Variants in NOL4 observed in about 807,000 individuals in gnomAD.
NOL4 encodes the protein nucleolar protein 4.
In NOL4, 17 loss-of-function variants were observed where a neutral mutation model predicts 75.9. The ratio of observed to expected loss-of-function variants is 0.22; its 90% confidence interval spans 0.15 to 0.34. The LOEUF (loss-of-function observed/expected upper bound fraction) is 0.34, where lower values mean the gene tolerates loss of function less well. Ranked by LOEUF, NOL4 falls within the 10% of genes least tolerant of loss-of-function variation. NOL4 has a pLI of 1.00. For missense variants in NOL4, 614 were observed against 793.5 expected, an observed-to-expected ratio of 0.77 and a Z score of 2.72; for synonymous variants, 292 against 289.9, an observed-to-expected ratio of 1.01 and a Z score of -0.07.
chr18:34,102,476 C>T (rs2079083245), intron 4 of NOL4, among the ~76,000 whole-genome samples: 1 of 151,954 alleles, frequency 6.6e-6, no homozygotes, highest in Non-Finnish European at 1.5e-5. Flanking sequence ...AATAATCTAA[C>T]TAGTCATTTA....
chr18:34,065,966 A>C (rs1200843909), intron 5 of NOL4, among the ~76,000 whole-genome samples: 1 of 151,956 alleles, frequency 6.6e-6, no homozygotes, highest in African/African-American at 2.4e-5. Context: ...TAGTTATTAT[A>C]CTTTGAGAGG....
intron 6 of NOL4, among the ~76,000 whole-genome samples, chr18:33,964,983 C>A (rs2070460458): frequency 6.6e-6 from 1 of 151,800 alleles, no homozygotes; most frequent in Non-Finnish European, 1.5e-5. Context: ...TTCAAAGAAA[C>A]CCAAAGCAAG....
At chr18:33,924,439 C>A (rs558756942) in intron 9 of NOL4, among the ~76,000 whole-genome samples, 1 of 152,234 alleles carries the variant, frequency 6.6e-6, no homozygotes, top group Admixed American at 6.5e-5. Context: ...CAGTGAGTAC[C>A]TCTCTATTGG....
intron 1 of NOL4, among the ~76,000 whole-genome samples, chr18:34,161,957 T>G (rs1244016520): frequency 2.0e-5 from 3 of 152,132 alleles, no homozygotes; most frequent in Non-Finnish European, 2.9e-5. Flanking sequence ...TAATATTTAT[T>G]TAATTTTTAA....
intron 6 of NOL4, among the ~76,000 whole-genome samples, chr18:34,005,541 T>C (rs1380073545): frequency 1.3e-5 from 2 of 152,042 alleles, no homozygotes; most frequent in Non-Finnish European, 2.9e-5. Flanking sequence ...TTAATGGTCC[T>C]CTAGCACTTG....
At chr18:34,194,454 A>AGGAAGGAAGGAT (rs2035169503) in intron 1 of NOL4, among the ~76,000 whole-genome samples, 1 of 146,614 alleles carries the variant, frequency 6.8e-6, no homozygotes. Context: ...GAAGGAAGGA[A>AGGAAGGAAGGAT]GGAAGGCAGG....
At chr18:34,147,627 A>G (rs190070359) in intron 1 of NOL4, among the ~76,000 whole-genome samples, 1 of 152,162 alleles carries the variant, frequency 6.6e-6, no homozygotes, top group East Asian at 1.9e-4. Flanking sequence ...CCAGTATTTT[A>G]TTGAGGATTT....
intron 9 of NOL4, among the ~76,000 whole-genome samples, chr18:33,890,378 CACAA>C (rs1342034855): frequency 5.3e-5 from 8 of 151,972 alleles, no homozygotes; most frequent in Non-Finnish European, 1.0e-4. Flanking sequence ...TAAAAGAGGA[CACAA>C]ACAAATGGAA....
At chr18:34,147,633 G>A (rs1227969905) in intron 1 of NOL4, among the ~76,000 whole-genome samples, 1 of 152,072 alleles carries the variant, frequency 6.6e-6, no homozygotes, top group Non-Finnish European at 1.5e-5. Flanking sequence ...TTTTATTGAG[G>A]ATTTTGGCAT....
At chr18:33,968,483 G>A (rs2070783138) in intron 6 of NOL4, among the ~76,000 whole-genome samples, 1 of 152,158 alleles carries the variant, frequency 6.6e-6, no homozygotes, top group African/African-American at 2.4e-5. Context: ...CAACATGGAT[G>A]CAGCTGTAGG....
chr18:33,887,986 A>G (rs530425822), intron 9 of NOL4, among the ~76,000 whole-genome samples: 3 of 152,302 alleles, frequency 2.0e-5, no homozygotes, highest in South Asian at 4.1e-4. Flanking sequence ...ATCCCTGAGG[A>G]ATCGCCACAC....
At position 33,919,200 on chromosome 18, in the gene NOL4, C is replaced by A. The variant is rs148524189; in HGVS notation, c.1542+23865G>T. Among the ~76,000 whole-genome samples the A allele has an allele frequency of 1.1e-4, 17 of 152,166 alleles. No individual in the cohort carries two copies. In the East Asian group the frequency reaches 3.3e-3, roughly 29 times the overall value. On this transcript the variant is annotated intron_variant, in intron 9 of 10. Coordinates refer to ENST00000261592, the MANE Select transcript of NOL4 (RefSeq NM_003787.5). Reference sequence around the variant, plus strand: ...TTGGACCCTGTTGCCATTGCTATAGCACAGCTCCCGGCACTCTTAAGTTGA... The same window carrying A: ...TTGGACCCTGTTGCCATTGCTATAGAACAGCTCCCGGCACTCTTAAGTTGA...
intron 1 of NOL4, among the ~76,000 whole-genome samples, chr18:34,176,068 A>T (rs2033519412): frequency 6.6e-6 from 1 of 152,124 alleles, no homozygotes; most frequent in South Asian, 2.1e-4. Context: ...ATGTTCAAAG[A>T]GCTAAAGAAG....
At chr18:34,149,659 G>A (rs1342111820) in intron 1 of NOL4, among the ~76,000 whole-genome samples, 1 of 151,604 alleles carries the variant, frequency 6.6e-6, no homozygotes, top group African/African-American at 2.4e-5. Context: ...GCATGATGAA[G>A]CCATAATTTG....
At chr18:33,946,244 C>T (rs1323923641) in intron 8 of NOL4, among the ~76,000 whole-genome samples, 1 of 151,356 alleles carries the variant, frequency 6.6e-6, no homozygotes, top group Non-Finnish European at 1.5e-5. Context: ...TAATGTGTAC[C>T]TCCAAATAGA....
At chr18:33,996,957 A>AGTTCAAC (rs1398960819) in intron 6 of NOL4, among the ~76,000 whole-genome samples, 9 of 151,976 alleles carry the variant, frequency 5.9e-5, no homozygotes, top group Admixed American at 4.6e-4. Flanking sequence ...GTCAAATGGT[A>AGTTCAAC]GTTCAACTCT....
intron 1 of NOL4, among the ~76,000 whole-genome samples, chr18:34,219,814 TG>T (rs2037172711): frequency 6.6e-6 from 1 of 152,250 alleles, no homozygotes; most frequent in Non-Finnish European, 1.5e-5. Context: ...GAGTGTGCAG[TG>T]CAGGCGGGCT....
intron 6 of NOL4, among the ~76,000 whole-genome samples, chr18:33,961,971 G>A (rs969137315): frequency 4.6e-5 from 7 of 152,044 alleles, no homozygotes; most frequent in Non-Finnish European, 1.0e-4. Context: ...CTTGTTTGCT[G>A]GCCCAGCACC....
intron 6 of NOL4, among the ~76,000 whole-genome samples, chr18:33,976,337 AT>A (rs1234826505): frequency 6.6e-6 from 1 of 152,204 alleles, no homozygotes; most frequent in African/African-American, 2.4e-5. Context: ...AATGCATTTT[AT>A]TTGAAGCTAT....
Sources: allele counts gnomAD v4.1 joint callset (sites outside exome capture counted in the v4.1 genomes callset), GRCh38; gene constraint gnomAD v4.1.1; transcripts MANE v1.5; gene names NCBI Gene and HGNC (gene_info 2026-07-23, HGNC 2026-07-21).